The following BPIFC variants were observed in gnomAD, a reference collection of about 807,000 sequenced individuals.
BPIFC encodes the protein BPI fold-containing family C protein.
Under a neutral mutation model 57.6 loss-of-function variants are expected in BPIFC, and 60 were observed. The observed-to-expected ratio is 1.04, with a 90% CI of 0.85 to 1.29. BPIFC has a LOEUF of 1.29. BPIFC is among the 50% of genes most tolerant of loss of function. The pLI is 0.00. For synonymous variants in BPIFC, 243 were observed against 224.5 expected (o/e 1.08, Z -0.74); for missense variants, 581 against 600.5 (o/e 0.97, Z 0.34).
chr22:32,426,390 C>T (rs1030226824), intron 13 of BPIFC, among the ~76,000 whole-genome samples: 2 of 152,122 alleles, frequency 1.3e-5, no homozygotes, highest in African/African-American at 4.8e-5. Flanking sequence ...CTGCCAGAGC[C>T]CAGGGCTGTC....
At chr22:32,455,187 A>T (rs1351690439) in intron 3 of BPIFC, among the ~76,000 whole-genome samples, 1 of 151,484 alleles carries the variant, frequency 6.6e-6, no homozygotes, top group Non-Finnish European at 1.5e-5. Flanking sequence ...AGTAGCTGGG[A>T]CTACAGGCGC....
rs1193088789 is a variant in BPIFC at position 32,435,689 on chromosome 22, G to A, written c.924+15C>T. 4 of 1,608,564 alleles carry A rather than the reference G, an allele frequency of 2.5e-6. No homozygotes were observed. The South Asian group carries it at 3.3e-5, about 13-fold the overall frequency. ...ATGATGGTGACCATTGACATCCTCAGTTAACTCTCCTCACCTCTTCGGTGG... is the reference window on the plus strand; with the variant it reads ...ATGATGGTGACCATTGACATCCTCAATTAACTCTCCTCACCTCTTCGGTGG... On this transcript the variant is annotated intron_variant, in intron 10 of 16. Coordinates refer to ENST00000300399, the MANE Select transcript of BPIFC (RefSeq NM_174932.3).
intron 1 of BPIFC, among the ~76,000 whole-genome samples, chr22:32,462,019 A>G (rs1435807699): frequency 6.6e-6 from 1 of 151,782 alleles, no homozygotes; most frequent in Non-Finnish European, 1.5e-5. Context: ...AAAATACAAA[A>G]ATTAACCAGG....
chr22:32,458,285 A>G (rs1291304296), intron 2 of BPIFC, among the ~76,000 whole-genome samples: 1 of 152,130 alleles, frequency 6.6e-6, no homozygotes, highest in African/African-American at 2.4e-5. Context: ...TAGCCTGTAC[A>G]CCAGGATCTT....
At chr22:32,461,460 A>G in intron 2 of BPIFC, 114 bp downstream of exon 2, 1 of 447,374 alleles carries the variant, frequency 2.2e-6, no homozygotes, top group Non-Finnish European at 3.0e-6. Context: ...GCAATGAGTG[A>G]TCTGAAGGTT....
At chr22:32,453,602 C>A in intron 3 of BPIFC, 99 bp from the exon 4 acceptor site, 2 of 1,361,252 alleles carry the variant, frequency 1.5e-6, no homozygotes, top group Non-Finnish European at 1.9e-6. Context: ...TGAGACATGC[C>A]CTTAGATACT....
At chr22:32,432,274 T>C in intron 12 of BPIFC, 99 bp downstream of exon 12, 1 of 1,317,680 alleles carries the variant, frequency 7.6e-7, no homozygotes, top group South Asian at 1.4e-5. Flanking sequence ...CAATGTAGCA[T>C]CCCCACCCTC....
intron 10 of BPIFC, among the ~76,000 whole-genome samples, chr22:32,434,161 T>G (rs940473556): frequency 6.7e-6 from 1 of 149,568 alleles, no homozygotes; most frequent in Non-Finnish European, 1.5e-5. Flanking sequence ...ATTCTTTATA[T>G]ATATATTACA....
At chr22:32,423,577 G>GTGTGTGTGTGTGTGTGT (rs1933908386) in intron 13 of BPIFC, among the ~76,000 whole-genome samples, 17 of 143,198 alleles carry the variant, frequency 1.2e-4, no homozygotes, top group African/African-American at 3.7e-4. Context: ...GTAGGGTGTG[G>GTGTGTGTGTGTGTGTGT]GTGTGTGTGT....
Position 32,453,467 on chromosome 22 carries a change from A to G in BPIFC, c.161T>C (p.Leu54Pro). ...TAAATCTGGGAGTTTCTTTTCTTTTAGCATTTGCTCAATCATCTTCATTCC... is the reference window on the plus strand; with the variant it reads ...TAAATCTGGGAGTTTCTTTTCTTTTGGCATTTGCTCAATCATCTTCATTCC... The part of the protein sequence containing the change: ...QAGMKMIEQM[L>P]KEKKLPDLSG... Residue 54 changes from leucine to proline, a missense_variant, in exon 4 of 17, where the codon CTA (leucine) becomes CCA (proline). Coordinates refer to ENST00000300399, the MANE Select transcript of BPIFC (RefSeq NM_174932.3). 1.2e-6 allele frequency: 2 copies of G among 1,606,188 alleles called. No individual in the cohort carries two copies. Among genetic ancestry groups the G allele is most frequent in the Non-Finnish European group, 1.7e-6 (2 of 1,178,192 alleles).
rs368013662 is a variant in BPIFC at position 32,418,763 on chromosome 22, C to T, written c.1260+599G>A. Among the ~76,000 whole-genome samples the T allele has an allele frequency of 3.3e-5, 5 of 152,292 alleles. No homozygotes were observed. The South Asian group carries it at 1.0e-3, about 32-fold the overall frequency. ...CATTCTGACACCGAAACCCACTTAACTTCTCTATGATAGTGCCATCCATGA... is the reference window on the plus strand; with the variant it reads ...CATTCTGACACCGAAACCCACTTAATTTCTCTATGATAGTGCCATCCATGA... On this transcript the variant is annotated intron_variant, in intron 14 of 16. Coordinates refer to ENST00000300399, the MANE Select transcript of BPIFC (RefSeq NM_174932.3).
In BPIFC at chr22:32,414,424, C is replaced by T. The variant is rs772540739; in HGVS notation, c.1403G>A (p.Gly468Asp). Residue 468 changes from glycine (G) to aspartate (D), a missense_variant and splice_region_variant, in exon 17 of 17, where the codon GGT becomes GAT. Gly to Asp is a moderately conservative substitution (Grantham distance 94). Coordinates refer to ENST00000300399, the MANE Select transcript of BPIFC (RefSeq NM_174932.3). The stretch of plus-strand genomic sequence containing the variant: ...CAGGTCGGTGGAAATCAAAAGGAAA[C>T]CCTGGAAAGGATGTGACAATGAAGA... ...FVNSDIEVLE[G>D]FLLISTDLKY... 2 of 1,613,308 alleles carry T rather than the reference C, an allele frequency of 1.2e-6. No individual in the cohort carries two copies. Among genetic ancestry groups the T allele is most frequent in the Non-Finnish European group, 1.7e-6 (2 of 1,179,546 alleles).
chr22:32,416,840 T>A (rs141580070), intron 15 of BPIFC, among the ~76,000 whole-genome samples: 38 of 152,302 alleles, frequency 2.5e-4, no homozygotes, highest in African/African-American at 8.4e-4. Flanking sequence ...TCAACCAGAG[T>A]TGGCCGATCT....
chr22:32,424,597 T>C (rs866719703), intron 13 of BPIFC, among the ~76,000 whole-genome samples: 976 of 87,902 alleles, frequency 0.011, 88 homozygotes, highest in Admixed American at 0.018. Flanking sequence ...TTCTTCTTCT[T>C]CTTCTCCTCC....
chr22:32,443,013 G>A (rs1934607914), intron 7 of BPIFC, among the ~76,000 whole-genome samples: 1 of 152,170 alleles, frequency 6.6e-6, no homozygotes, highest in Admixed American at 6.5e-5. Context: ...TCTGTGACAT[G>A]ATAGGGCATG....
At chr22:32,415,472 G>A (rs1052065695) in intron 16 of BPIFC, among the ~76,000 whole-genome samples, 2 of 152,192 alleles carry the variant, frequency 1.3e-5, no homozygotes, top group African/African-American at 4.8e-5. Context: ...GAACTCAAAG[G>A]TGTGTGCCTT....
At chr22:32,431,445 A>G in intron 12 of BPIFC, 31 bp from the exon 13 acceptor site, 1 of 1,203,538 alleles carries the variant, frequency 8.3e-7, no homozygotes, top group Non-Finnish European at 1.2e-6. Flanking sequence ...TATTATTAAG[A>G]CGAGTGAGTG....
At chr22:32,447,068 C>T in intron 5 of BPIFC, 144 bp downstream of exon 5, 1 of 1,200,544 alleles carries the variant, frequency 8.3e-7, no homozygotes, top group Non-Finnish European at 1.1e-6. Context: ...ATTTAAGCCT[C>T]ACCTGGAAAA....
intron 4 of BPIFC, among the ~76,000 whole-genome samples, chr22:32,450,198 C>T (rs1230581016): frequency 6.6e-6 from 1 of 151,916 alleles, no homozygotes; most frequent in Non-Finnish European, 1.5e-5. Flanking sequence ...TTTTTACTGT[C>T]CCTTTTCTAT....
Sources: allele counts gnomAD v4.1 joint callset (sites outside exome capture counted in the v4.1 genomes callset), GRCh38; gene constraint gnomAD v4.1.1; transcripts MANE v1.5; gene names NCBI Gene and HGNC (gene_info 2026-07-23, HGNC 2026-07-21).